Variants in LAMC1 observed in about 807,000 individuals in gnomAD.
The protein encoded by LAMC1 is laminin subunit gamma 1.
In LAMC1, 38 loss-of-function variants were observed where a neutral mutation model predicts 173.6. The observed-to-expected ratio is 0.22, with a 90% CI of 0.17 to 0.29. The LOEUF is 0.29. LAMC1 is among the 10% of genes least tolerant of loss of function. The pLI is 1.00. For synonymous variants in LAMC1, 746 were observed against 749.1 expected (o/e 1.00, Z 0.07); for missense variants, 1,824 against 2,051.8 (o/e 0.89, Z 2.14).
intron 1 of LAMC1, among the ~76,000 whole-genome samples, chr1:183,058,959 CAT>C (rs1374669387): frequency 6.6e-6 from 1 of 152,214 alleles, no homozygotes; most frequent in East Asian, 1.9e-4. Context: ...TGTTTTATAA[CAT>C]GTAAAATTTT....
chr1:183,136,692 C>A, intron 25 of LAMC1, 107 bp downstream of exon 25: 1 of 896,364 alleles, frequency 1.1e-6, no homozygotes. Flanking sequence ...TCCTGAACTT[C>A]AGTAAAATTG....
At chr1:183,037,705 G>A (rs970436348) in intron 1 of LAMC1, among the ~76,000 whole-genome samples, 1 of 151,918 alleles carries the variant, frequency 6.6e-6, no homozygotes, top group Non-Finnish European at 1.5e-5. Flanking sequence ...GAGTGTTGCC[G>A]AGCTAAGGTT....
intron 1 of LAMC1, among the ~76,000 whole-genome samples, chr1:183,091,845 A>G (rs1431144243): frequency 3.9e-5 from 6 of 152,166 alleles, no homozygotes; most frequent in Non-Finnish European, 7.4e-5. Flanking sequence ...GGAAGGAAGG[A>G]TGGACACCAG....
At chr1:183,051,603 C>T (rs984387364) in intron 1 of LAMC1, among the ~76,000 whole-genome samples, 2 of 152,218 alleles carry the variant, frequency 1.3e-5, no homozygotes, top group African/African-American at 4.8e-5. Context: ...GGAACACTTA[C>T]TGAGTCTCTG....
Position 183,140,479 on chromosome 1 carries a change from A to T in LAMC1, c.4549A>T (p.Ile1517Phe), listed in dbSNP as rs1314854859. ...KNSVTSLLSI[I>F]NDLLEQLGQL... ...CTCTGTTACTAGCCTCCTCAGCATT[A>T]TTAATGACCTCTTGGAGCAGCTGGG... The change falls in exon 27 of 28, where the codon ATT becomes TTT. Residue 1517 changes from isoleucine to phenylalanine, a missense_variant. By Grantham distance (21) the Ile-to-Phe change is conservative. Coordinates refer to ENST00000258341, the MANE Select transcript of LAMC1 (RefSeq NM_002293.4). The T allele has an allele frequency of 6.2e-7, 1 of 1,613,384 alleles. No homozygotes were observed. The highest frequency in any genetic ancestry group is 1.3e-5 in the African/African-American group (1 of 75,034).
At chr1:183,031,017 A>T (rs979762758) in intron 1 of LAMC1, among the ~76,000 whole-genome samples, 2 of 152,194 alleles carry the variant, frequency 1.3e-5, no homozygotes, top group Non-Finnish European at 2.9e-5. Flanking sequence ...TAAAATGTAT[A>T]TATTCACATG....
intron 26 of LAMC1, 24 bp from the exon 27 acceptor site, chr1:183,140,380 C>G (rs374638432): frequency 6.7e-7 from 1 of 1,491,312 alleles, no homozygotes; most frequent in African/African-American, 1.4e-5. Context: ...AGTCAAGACT[C>G]TTTGCCTCAT....
chr1:183,056,390 C>T (rs1654596808), intron 1 of LAMC1, among the ~76,000 whole-genome samples: 1 of 152,174 alleles, frequency 6.6e-6, no homozygotes, highest in Admixed American at 6.5e-5. Context: ...TATATGGGCT[C>T]CTCTTGCTCC....
At chr1:183,109,232 T>C (rs1656073452) in intron 3 of LAMC1, among the ~76,000 whole-genome samples, 1 of 152,220 alleles carries the variant, frequency 6.6e-6, no homozygotes, top group South Asian at 2.1e-4. Context: ...ATGGGAACTG[T>C]ACCCAATGAG....
intron 1 of LAMC1, among the ~76,000 whole-genome samples, chr1:183,038,834 T>C (rs543353921): frequency 6.6e-6 from 1 of 152,328 alleles, no homozygotes; most frequent in African/African-American, 2.4e-5. Flanking sequence ...CTCTTAGTTT[T>C]CTGGAATGTC....
Position 183,142,932 on chromosome 1 carries a change from C to T in LAMC1, c.*142C>T. The T allele has an allele frequency of 1.2e-6, 1 of 860,074 alleles. No homozygotes were observed. 53.3% of individuals were successfully genotyped at this position (860,074 alleles called of 1,614,324 possible). On this transcript the variant is annotated 3_prime_UTR_variant, in exon 28 of 28. Transcript: ENST00000258341. ...ACTGTCCTTTTGAACCAGGAAAAGT[C>T]ACAGAGTTTAAAGAGAAGCAAATTA...
At chr1:183,071,371 A>C (rs1655007817) in intron 1 of LAMC1, among the ~76,000 whole-genome samples, 1 of 131,296 alleles carries the variant, frequency 7.6e-6, no homozygotes, top group Admixed American at 7.7e-5. Flanking sequence ...GTAATTCAGA[A>C]TAATAGCAAG....
chr1:183,039,028 CAGT>C (rs1654055591), intron 1 of LAMC1, among the ~76,000 whole-genome samples: 1 of 152,124 alleles, frequency 6.6e-6, no homozygotes, highest in Non-Finnish European at 1.5e-5. Flanking sequence ...CTTGGGTGAG[CAGT>C]TTTACCTGTA....
At position 183,136,535 on chromosome 1, in the gene LAMC1, G is replaced by A. The variant is rs200064055; in HGVS notation, c.4264G>A (p.Ala1422Thr). The stretch of plus-strand genomic sequence containing the variant: ...CAGTGCTGCGGCGGATGCCACAGAG[G>A]CCAAGAACAAGGCCCATGAGGCGGA... ...LGSAAADATE[A>T]KNKAHEAERI... The change falls in exon 25 of 28, where the codon GCC becomes ACC. Residue 1422 changes from alanine (A) to threonine (T), a missense_variant. Transcript: ENST00000258341. 1.9e-5 allele frequency: 31 copies of A among 1,613,860 alleles called. No homozygotes were observed. In the Admixed American group the frequency reaches 5.0e-4, roughly 26 times the overall value.
At chr1:183,135,980 T>C (rs892698744) in intron 24 of LAMC1, among the ~76,000 whole-genome samples, 2 of 151,320 alleles carry the variant, frequency 1.3e-5, no homozygotes, top group African/African-American at 2.4e-5. Context: ...GCACCACAGG[T>C]CATGTAACTT....
intron 1 of LAMC1, among the ~76,000 whole-genome samples, chr1:183,027,590 CCAAT>C (rs1454311325): frequency 1.3e-5 from 2 of 152,070 alleles, no homozygotes; most frequent in Non-Finnish European, 2.9e-5. Context: ...TAAAACCAAC[CCAAT>C]CAAAGTTTAT....
chr1:183,038,930 TA>T (rs66985134), intron 1 of LAMC1, among the ~76,000 whole-genome samples: 66,730 of 149,584 alleles, frequency 0.45, 16,548 homozygotes, highest in East Asian at 0.61. Context: ...ATTTAAGCTA[TA>T]AAAAAAAAAG....
chr1:183,120,353 A>C (rs1392065532), intron 11 of LAMC1, among the ~76,000 whole-genome samples: 4 of 152,088 alleles, frequency 2.6e-5, no homozygotes, highest in Admixed American at 2.6e-4. Context: ...GTATTTTTAG[A>C]ATGGGGAGAC....
chr1:183,116,158 A>G (rs2102083010), intron 6 of LAMC1, among the ~76,000 whole-genome samples: 1 of 150,302 alleles, frequency 6.7e-6, no homozygotes, highest in South Asian at 2.1e-4. Context: ...TTTAGGGTCC[A>G]TTTTGTTCTA....
Sources: allele counts gnomAD v4.1 joint callset (sites outside exome capture counted in the v4.1 genomes callset), GRCh38; gene constraint gnomAD v4.1.1; transcripts MANE v1.5; gene names NCBI Gene and HGNC (gene_info 2026-07-23, HGNC 2026-07-21).